Variants in PM20D2 observed in about 807,000 individuals in gnomAD.
PM20D2 encodes the protein peptidase M20 domain containing 2, also known as xaa-Arg dipeptidase.
In PM20D2, 33 loss-of-function variants were observed where a neutral mutation model predicts 42.9. The ratio of observed to expected loss-of-function variants is 0.77; its 90% CI spans 0.58 to 1.03. PM20D2 has a LOEUF of 1.03. Among genes scored for constraint, PM20D2 ranks in the 50% least tolerant of loss-of-function variants. PM20D2 has a pLI of 0.00. For synonymous variants in PM20D2, 250 were observed against 228.2 expected (o/e 1.10, Z -0.86); for missense variants, 548 against 557.0 (o/e 0.98, Z 0.16).
chr6:89,136,801 T>C, the PM20D2 span, among the ~76,000 whole-genome samples: 2 of 151,256 alleles, frequency 1.3e-5, no homozygotes, highest in Admixed American at 6.6e-5. Context: ...ATGAACTCTA[T>C]ACTTCATTGT....
chr6:89,125,303 A>C, the PM20D2 span, among the ~76,000 whole-genome samples: 1 of 152,130 alleles, frequency 6.6e-6, no homozygotes, highest in East Asian at 1.9e-4. Flanking sequence ...ACACGGTGAA[A>C]CTCCGTCTCT....
the PM20D2 span, among the ~76,000 whole-genome samples, chr6:89,114,827 C>T: frequency 6.4e-3 from 971 of 152,250 alleles, 11 homozygotes; most frequent in Non-Finnish European, 0.01. Flanking sequence ...GACAGAGTCT[C>T]GCCCTGTCGC....
At chr6:89,130,067 C>T in the PM20D2 span, among the ~76,000 whole-genome samples, 1 of 137,392 alleles carries the variant, frequency 7.3e-6, no homozygotes, top group East Asian at 3.7e-4. Context: ...AAAAAGTATA[C>T]AACACTTTTT....
intron 2 of PM20D2, among the ~76,000 whole-genome samples, chr6:89,151,292 G>A (rs192600123): frequency 1.1e-4 from 16 of 146,844 alleles, no homozygotes; most frequent in South Asian, 2.1e-4. Flanking sequence ...GTACAGTGGC[G>A]CAATCTCAGC....
chr6:89,162,284 A>G lies in PM20D2; in HGVS notation c.*21A>G, dbSNP rs1771272061. 6.3e-7 allele frequency: 1 copy of G among 1,585,518 alleles called. No homozygotes were observed. On this transcript the variant is annotated 3_prime_UTR_variant, in exon 7 of 7. Coordinates refer to ENST00000275072, the MANE Select transcript of PM20D2 (RefSeq NM_001010853.3). ...AATAAAAGACTTAGGGGCCACTTAT[A>G]AATCAAGAAGACGTGATGATTTTTT...
At chr6:89,152,934 C>A in intron 2 of PM20D2, 109 bp from the exon 3 acceptor site, 1 of 825,974 alleles carries the variant, frequency 1.2e-6, no homozygotes, top group Non-Finnish European at 1.8e-6. Flanking sequence ...ATCAAAAGTC[C>A]AGCAATGTGA....
At chr6:89,153,448 C>T (rs560560376) in intron 3 of PM20D2, among the ~76,000 whole-genome samples, 1 of 151,756 alleles carries the variant, frequency 6.6e-6, no homozygotes, top group East Asian at 1.9e-4. Flanking sequence ...ATGTAAGGGG[C>T]TGTGTTCTTT....
At chr6:89,146,786 CCAGT>C (rs1432692269) in intron 1 of PM20D2, among the ~76,000 whole-genome samples, 177 bp downstream of exon 1, 1 of 152,228 alleles carries the variant, frequency 6.6e-6, no homozygotes, top group African/African-American at 2.4e-5. Context: ...AGCTGAACCC[CCAGT>C]CAAAGTCAGT....
chr6:89,103,623 G>A, the PM20D2 span, among the ~76,000 whole-genome samples: 1 of 150,832 alleles, frequency 6.6e-6, no homozygotes, highest in Non-Finnish European at 1.5e-5. Context: ...AAGCCACTGC[G>A]CCTGGCCTGA....
chr6:89,116,648 G>A, the PM20D2 span, among the ~76,000 whole-genome samples: 2 of 151,896 alleles, frequency 1.3e-5, no homozygotes, highest in Non-Finnish European at 2.9e-5. Context: ...GGTGGCACAC[G>A]CCTGTAATCC....
At chr6:89,111,939 C>T in the PM20D2 span, among the ~76,000 whole-genome samples, 1 of 152,176 alleles carries the variant, frequency 6.6e-6, no homozygotes, top group Non-Finnish European at 1.5e-5. Flanking sequence ...TTATGCAGTA[C>T]AAAAGCAAAG....
chr6:89,161,727 A>G (rs1272908327), intron 5 of PM20D2, 56 bp from the exon 6 acceptor site: 48 of 1,356,926 alleles, frequency 3.5e-5, no homozygotes, highest in Middle Eastern at 1.9e-4. Flanking sequence ...TCATAACTCC[A>G]GAATACTTAA....
At chr6:89,159,329 G>A (rs1771157020) in intron 5 of PM20D2, among the ~76,000 whole-genome samples, 1 of 152,196 alleles carries the variant, frequency 6.6e-6, no homozygotes, top group South Asian at 2.1e-4. Flanking sequence ...GGAGAGAGGA[G>A]AAGTCATGGA....
chr6:89,142,467 G>C (rs571082854), upstream of PM20D2, among the ~76,000 whole-genome samples: 2 of 152,150 alleles, frequency 1.3e-5, no homozygotes, highest in African/African-American at 2.4e-5. Flanking sequence ...CCAGCATTTT[G>C]TTCAGGAGAA....
intron 5 of PM20D2, among the ~76,000 whole-genome samples, chr6:89,160,987 G>GA (rs796610402): frequency 6.8e-5 from 10 of 147,390 alleles, no homozygotes; most frequent in South Asian, 2.2e-4. Flanking sequence ...AATGAAGATT[G>GA]AAAAAAAAAA....
At chr6:89,116,113 A>AT in the PM20D2 span, among the ~76,000 whole-genome samples, 2 of 152,218 alleles carry the variant, frequency 1.3e-5, no homozygotes, top group Non-Finnish European at 2.9e-5. Flanking sequence ...TTTAGATGGC[A>AT]TATTTCCTTT....
At chr6:89,096,876 TCTTA>T in the PM20D2 span, 1 of 152,348 alleles carries the variant, frequency 6.6e-6, no homozygotes, top group African/African-American at 2.4e-5. Flanking sequence ...TCAATATCTG[TCTTA>T]CTCATTCTTC....
At chr6:89,096,230 T>C in the PM20D2 span, 1 of 152,186 alleles carries the variant, frequency 6.6e-6, no homozygotes, top group Non-Finnish European at 1.5e-5. Context: ...GCAAAAGACA[T>C]AGGAACAGCA....
At chr6:89,105,052 TCA>T in the PM20D2 span, 1 of 1,389,862 alleles carries the variant, frequency 7.2e-7, no homozygotes, top group Non-Finnish European at 9.5e-7. Flanking sequence ...TGAGACCCTA[TCA>T]AAAAAATATA....
Sources: allele counts gnomAD v4.1 joint callset (sites outside exome capture counted in the v4.1 genomes callset), GRCh38; gene constraint gnomAD v4.1.1; transcripts MANE v1.5; gene names NCBI Gene and HGNC (gene_info 2026-07-23, HGNC 2026-07-21).